Variants in ZNF827 observed in about 807,000 individuals in gnomAD.
ZNF827 encodes zinc finger protein 827.
A neutral mutation model predicts 102.4 loss-of-function variants in ZNF827; 13 were observed. The ratio of observed to expected loss-of-function variants is 0.13; its 90% CI spans 0.08 to 0.20. ZNF827 has a LOEUF of 0.20. ZNF827 is among the 10% of genes least tolerant of loss of function. The pLI, the probability that ZNF827 is intolerant of heterozygous loss-of-function variation, is 1.00. For missense variants in ZNF827, 1,103 were observed against 1,344.4 expected (o/e 0.82, Z 2.81); for synonymous variants, 523 against 536.2 (o/e 0.98, Z 0.34).
rs559409418 is a variant in ZNF827 at position 145,767,959 on chromosome 4, A to G, written c.2861-2221T>C. Among the ~76,000 whole-genome samples the G allele has an allele frequency of 3.4e-4, 52 of 152,350 alleles. 1 individual carries two copies. In the South Asian group the frequency reaches 0.01, roughly 30 times the overall value. ...ATACATGGATAAATTCATAATTTTTAAATTATTGAAATGTCTTTAAAAGAT... is the reference window on the plus strand; with the variant it reads ...ATACATGGATAAATTCATAATTTTTGAATTATTGAAATGTCTTTAAAAGAT... On this transcript the variant is annotated intron_variant, in intron 11 of 14. Transcript: ENST00000508784.
Position 145,784,516 on chromosome 4 carries a change from G to C in ZNF827, c.2384-5005C>G, listed in dbSNP as rs1738563610. ...CCATATTCATTATCAACAGCAACAA[G>C]TGTACACCCAGCTGAACACATTTCC... On this transcript the variant is annotated intron_variant, in intron 8 of 14. Coordinates refer to ENST00000508784, the MANE Select transcript of ZNF827 (RefSeq NM_001306215.2). 2.6e-5 allele frequency among the ~76,000 whole-genome samples: 4 copies of C among 152,096 alleles called. No individual in the cohort carries two copies. In the South Asian group the frequency reaches 8.3e-4, roughly 32 times the overall value.
chr4:145,886,278 C>T (rs1253130638), intron 3 of ZNF827, 120 bp from the exon 4 acceptor site: 1 of 1,413,458 alleles, frequency 7.1e-7, no homozygotes, highest in Non-Finnish European at 9.3e-7. Context: ...CTTTGTACTG[C>T]AGAGCATTTC....
rs1425617575 is a variant in ZNF827, at chr4:145,774,583, G to A, written c.2783C>T (p.Ser928Leu). The A allele has an allele frequency of 6.2e-6, 10 of 1,613,298 alleles. No individual in the cohort carries two copies. Among genetic ancestry groups the A allele is most frequent in the Admixed American group, 5.0e-5 (3 of 59,904 alleles). ...GAAGTCGCAGGCAGTGCAGCAGATCGAAAACATCCACTGCTCCTTGTCCAC... is the reference window on the plus strand; with the variant it reads ...GAAGTCGCAGGCAGTGCAGCAGATCAAAAACATCCACTGCTCCTTGTCCAC... ...LHVDKEQWMFSICCTACDFVT... is the reference protein window; with the variant it reads ...LHVDKEQWMFLICCTACDFVT... The change falls in exon 11 of 15, where the codon TCG becomes TTG. Residue 928 changes from serine to leucine, a missense_variant. Around this residue, in one of 5 missense-constraint regions of ZNF827, gnomAD observed 242 missense variants for 361.9 expected, o/e 0.67. Transcript: ENST00000508784.
At chr4:145,809,643 T>C (rs114095526) in intron 8 of ZNF827, among the ~76,000 whole-genome samples, 4,769 of 152,274 alleles carry the variant, frequency 0.031, 251 homozygotes, top group African/African-American at 0.11. Context: ...ATCACTATTG[T>C]AGCATCTAAG....
intron 8 of ZNF827, among the ~76,000 whole-genome samples, chr4:145,813,937 T>C (rs1482384690): frequency 6.6e-6 from 1 of 152,096 alleles, no homozygotes; most frequent in Non-Finnish European, 1.5e-5. Flanking sequence ...TAGAAGGACA[T>C]GGTAACTGAA....
At chr4:145,904,840 G>C (rs1383151525) in intron 1 of ZNF827, among the ~76,000 whole-genome samples, 1 of 152,194 alleles carries the variant, frequency 6.6e-6, no homozygotes, top group East Asian at 1.9e-4. Context: ...TACCACTGGA[G>C]GGTTTGTGGC....
At chr4:145,926,715 C>T (rs1453700238) in intron 1 of ZNF827, among the ~76,000 whole-genome samples, 1 of 152,042 alleles carries the variant, frequency 6.6e-6, no homozygotes, top group Non-Finnish European at 1.5e-5. Context: ...TCATTAAAAG[C>T]CAATATCAAT....
At chr4:145,878,827 C>T (rs1749418032) in intron 4 of ZNF827, among the ~76,000 whole-genome samples, 1 of 151,184 alleles carries the variant, frequency 6.6e-6, no homozygotes, top group Non-Finnish European at 1.5e-5. Flanking sequence ...TGATCTGATG[C>T]AAGAGGTACT....
rs572610481 is a variant in ZNF827 at position 145,904,786 on chromosome 4, C to T, written c.44-1571G>A. On this transcript the variant is annotated intron_variant, in intron 1 of 14. Transcript: ENST00000508784. The stretch of plus-strand genomic sequence containing the variant: ...AGTGGGGTCACACAGATCTACAGGA[C>T]GTTGTGAACTGCAGAAAGGTCTTCT... Among the ~76,000 whole-genome samples, 8 of 152,276 alleles carry T rather than the reference C, an allele frequency of 5.3e-5. No homozygotes were observed. In the East Asian group the frequency reaches 7.7e-4, roughly 15 times the overall value.
intron 5 of ZNF827, among the ~76,000 whole-genome samples, chr4:145,868,839 A>C (rs1435769472): frequency 6.6e-6 from 1 of 152,220 alleles, no homozygotes; most frequent in Non-Finnish European, 1.5e-5. Flanking sequence ...TTAAGACTTC[A>C]AGTCACTGGA....
At chr4:145,797,103 G>C (rs760524984) in intron 8 of ZNF827, among the ~76,000 whole-genome samples, 1 of 152,172 alleles carries the variant, frequency 6.6e-6, no homozygotes, top group Non-Finnish European at 1.5e-5. Context: ...AGGTGTTAAG[G>C]TTTTACAAAG....
intron 11 of ZNF827, among the ~76,000 whole-genome samples, chr4:145,769,838 T>C (rs552137846): frequency 2.6e-5 from 4 of 152,274 alleles, no homozygotes; most frequent in South Asian, 2.1e-4. Context: ...CCCCTAAATA[T>C]TGCACAATTT....
Position 145,765,554 on chromosome 4 carries a change from T to C in ZNF827, c.3045A>G (p.Pro1015=), listed in dbSNP as rs1735162693. The C allele has an allele frequency of 1.9e-6, 3 of 1,612,046 alleles. No homozygotes were observed. Among genetic ancestry groups the C allele is most frequent in the Admixed American group, 1.7e-5 (1 of 59,844 alleles). Residue 1015 remains proline, a synonymous_variant, in exon 12 of 15, where the codon CCA becomes CCG. Coordinates refer to ENST00000508784, the MANE Select transcript of ZNF827 (RefSeq NM_001306215.2). This position sits in a 1 kb window ranked among gnomAD's most constrained non-coding sequence, Gnocchi z 4.7. ...SQPSLNSEEK[P]EKGFECVFCN... The stretch of plus-strand genomic sequence containing the variant: ...CACCCACCTCCTCCTTACCTTTCTC[T>C]GGCTTTTCCTCACTGTTCAGTGAGG...
In ZNF827 at chr4:145,889,742, C is replaced by T. The variant is rs148959569; in HGVS notation, c.1266+2501G>A. 9.9e-3 allele frequency among the ~76,000 whole-genome samples: 1,507 copies of T among 152,160 alleles called. 12 individuals carry two copies. Among genetic ancestry groups the T allele is most frequent in the Non-Finnish European group, 0.015 (1,006 of 67,984 alleles). On this transcript the variant is annotated intron_variant, in intron 3 of 14. Transcript: ENST00000508784. ...CCATAATCCCAGTACTCTGGGAGAC[C>T]GAGGCAAGTGAACTGCCTGAGGTCA...
At chr4:145,844,147 T>C (rs1406676153) in intron 7 of ZNF827, among the ~76,000 whole-genome samples, 1 of 152,128 alleles carries the variant, frequency 6.6e-6, no homozygotes, top group East Asian at 1.9e-4. Flanking sequence ...ACTAAATAGC[T>C]TAAAGGTTAG....
At position 145,761,793 on chromosome 4, in the gene ZNF827, C is replaced by T. The variant is rs766361156; in HGVS notation, c.*18-195G>A. On this transcript the variant is annotated intron_variant, in intron 14 of 14. Coordinates refer to ENST00000508784, the MANE Select transcript of ZNF827 (RefSeq NM_001306215.2). The surrounding 1 kb of genome is among the most constrained non-coding windows in gnomAD (Gnocchi z 6.8). Reference sequence around the variant, plus strand: ...CTCTCCCTGCTGACAGAGCAGTCCCCGCTGACAAGCAGCTCTGGCAAGGTC... The same window carrying T: ...CTCTCCCTGCTGACAGAGCAGTCCCTGCTGACAAGCAGCTCTGGCAAGGTC... 2.0e-5 allele frequency among the ~76,000 whole-genome samples: 3 copies of T among 152,160 alleles called. No homozygotes were observed. Among genetic ancestry groups the T allele is most frequent in the Non-Finnish European group, 2.9e-5 (2 of 68,012 alleles).
intron 3 of ZNF827, among the ~76,000 whole-genome samples, chr4:145,886,469 T>A (rs1750128649): frequency 6.6e-6 from 1 of 152,148 alleles, no homozygotes; most frequent in South Asian, 2.1e-4. Flanking sequence ...GAGAAAATAT[T>A]ATAAACCCAG....
intron 1 of ZNF827, among the ~76,000 whole-genome samples, chr4:145,905,220 T>C (rs1751749326): frequency 2.0e-5 from 3 of 152,252 alleles, no homozygotes; most frequent in Admixed American, 6.5e-5. Context: ...AATGTATGTG[T>C]AGGGATTGAG....
rs1215605595 is a variant in ZNF827 at position 145,759,098 on chromosome 4, A to G, written c.*2518T>C. ...AACACATGATGGAAAACAGCAACAC[A>G]GTAAGAAAATGTTCCTCCTGTACAC... On this transcript the variant is annotated 3_prime_UTR_variant, in exon 15 of 15. Coordinates refer to ENST00000508784, the MANE Select transcript of ZNF827 (RefSeq NM_001306215.2). 1 of 152,234 alleles carries G rather than the reference A, an allele frequency of 6.6e-6. No individual in the cohort carries two copies. The highest frequency in any genetic ancestry group is 1.5e-5 in the Non-Finnish European group (1 of 68,032). The allele number at this position is 152,234 out of a possible 1,614,324, so 9.4% of individuals were successfully genotyped here. A position where few individuals can be genotyped will look rare whatever the true frequency, so the allele number is the denominator to read the frequency against.
Sources: allele counts gnomAD v4.1 joint callset (sites outside exome capture counted in the v4.1 genomes callset), GRCh38; gene constraint gnomAD v4.1.1; regional missense constraint gnomAD v4.1.1; non-coding constraint Gnocchi (gnomAD v3.1); transcripts MANE v1.5; gene names NCBI Gene and HGNC (gene_info 2026-07-23, HGNC 2026-07-21).